Variants in DPP6 observed in about 807,000 individuals in gnomAD.
DPP6 encodes A-type potassium channel modulatory protein DPP6.
A neutral mutation model predicts 122.6 loss-of-function variants in DPP6; 69 were observed. The ratio of observed to expected loss-of-function variants is 0.56; its 90% confidence interval spans 0.46 to 0.69. The LOEUF is 0.69. Ranked by LOEUF, DPP6 falls within the 30% of genes least tolerant of loss-of-function variation. The pLI is 0.00. For missense variants in DPP6, 928 were observed against 1,116.9 expected (o/e 0.83, Z 2.41); for synonymous variants, 418 against 433.1 (o/e 0.97, Z 0.43).
chr7:154,488,284 C>G (rs996084779), intron 3 of DPP6, among the ~76,000 whole-genome samples: 1 of 151,916 alleles, frequency 6.6e-6, no homozygotes, highest in Non-Finnish European at 1.5e-5. Flanking sequence ...GTCAGGAGAT[C>G]GAGACCATCC....
chr7:154,054,268 G>C (rs1343630498), intron 1 of DPP6, among the ~76,000 whole-genome samples: 1 of 152,186 alleles, frequency 6.6e-6, no homozygotes, highest in African/African-American at 2.4e-5. Flanking sequence ...CAGCCACGCT[G>C]GTTCCCTGTT....
At chr7:154,608,671 T>C (rs1195922539) in intron 5 of DPP6, among the ~76,000 whole-genome samples, 1 of 152,008 alleles carries the variant, frequency 6.6e-6, no homozygotes. Context: ...TCCTTTCCAG[T>C]CATCCCTGTA....
chr7:153,808,335 A>C, the DPP6 span, among the ~76,000 whole-genome samples: 3 of 142,436 alleles, frequency 2.1e-5, no homozygotes. Context: ...CTGTGTGCAT[A>C]TGTGTTTGCA....
intron 1 of DPP6, among the ~76,000 whole-genome samples, chr7:154,280,991 A>ATTTT (rs2150950065): frequency 1.8e-5 from 1 of 55,130 alleles, no homozygotes; most frequent in South Asian, 9.4e-4. Context: ...TATTTTATTT[A>ATTTT]TTTATTTATT....
intron 1 of DPP6, among the ~76,000 whole-genome samples, chr7:154,120,102 C>G (rs968689721): frequency 2.2e-4 from 34 of 152,218 alleles, no homozygotes; most frequent in African/African-American, 8.0e-4. Flanking sequence ...AGTTTGAACT[C>G]TGACTGACAC....
At chr7:154,188,721 C>T (rs1405984386) in intron 1 of DPP6, among the ~76,000 whole-genome samples, 2 of 152,226 alleles carry the variant, frequency 1.3e-5, no homozygotes, top group African/African-American at 4.8e-5. Flanking sequence ...TGTACACACA[C>T]AGACTCTGGT....
intron 1 of DPP6, among the ~76,000 whole-genome samples, chr7:153,974,047 A>G (rs1238760843): frequency 6.6e-6 from 1 of 152,038 alleles, no homozygotes; most frequent in Non-Finnish European, 1.5e-5. Flanking sequence ...TTACCTATGC[A>G]GGTCCAATCA....
chr7:154,659,325 AGTT>A (rs1461791537), intron 6 of DPP6, among the ~76,000 whole-genome samples: 1 of 152,350 alleles, frequency 6.6e-6, no homozygotes, highest in East Asian at 1.9e-4. Flanking sequence ...ACATATAGAT[AGTT>A]GTTGTAATAA....
At chr7:153,958,148 A>T (rs1250089327) in intron 1 of DPP6, among the ~76,000 whole-genome samples, 1 of 152,148 alleles carries the variant, frequency 6.6e-6, no homozygotes, top group Non-Finnish European at 1.5e-5. Flanking sequence ...TGGGCGACGG[A>T]GTGAGACTCC....
chr7:154,213,941 A>G (rs1421872498), intron 1 of DPP6, among the ~76,000 whole-genome samples: 1 of 152,156 alleles, frequency 6.6e-6, no homozygotes, highest in African/African-American at 2.4e-5. Context: ...CTCCCTGCTC[A>G]CCAGTAACAT....
intron 7 of DPP6, among the ~76,000 whole-genome samples, chr7:154,694,637 A>T (rs942116322): frequency 5.3e-5 from 8 of 151,988 alleles, no homozygotes; most frequent in Admixed American, 1.3e-4. Context: ...AAGGCATAGG[A>T]ATCTGGTATG....
chr7:153,925,600 G>T (rs1800859858), intron 1 of DPP6, among the ~76,000 whole-genome samples: 1 of 151,884 alleles, frequency 6.6e-6, no homozygotes, highest in Admixed American at 6.5e-5. Context: ...CTGATAATGG[G>T]AGATCATCCT....
chr7:153,822,142 G>T, the DPP6 span, among the ~76,000 whole-genome samples: 1 of 145,680 alleles, frequency 6.9e-6, no homozygotes, highest in East Asian at 2.1e-4. Context: ...ATTTCTGTAG[G>T]TGAGCTGCTC....
chr7:153,829,579 C>A, the DPP6 span, among the ~76,000 whole-genome samples: 1 of 152,160 alleles, frequency 6.6e-6, no homozygotes, highest in African/African-American at 2.4e-5. Context: ...TGTCCTCATT[C>A]ATTCTACTGT....
chr7:154,860,646 A>G (rs1440564430), intron 17 of DPP6, among the ~76,000 whole-genome samples: 1 of 152,226 alleles, frequency 6.6e-6, no homozygotes, highest in Non-Finnish European at 1.5e-5. Context: ...AGAATCCTAC[A>G]GCCTGTGGCC....
At chr7:153,984,425 A>G (rs1796743631) in intron 1 of DPP6, among the ~76,000 whole-genome samples, 1 of 152,242 alleles carries the variant, frequency 6.6e-6, no homozygotes, top group Admixed American at 6.5e-5. Flanking sequence ...TGAAGGCATC[A>G]GGGGGCACGA....
At chr7:154,113,412 T>TATATATACACACAC (rs1472172445) in intron 1 of DPP6, among the ~76,000 whole-genome samples, 5 of 141,892 alleles carry the variant, frequency 3.5e-5, no homozygotes, top group African/African-American at 1.3e-4. Flanking sequence ...TATATATATA[T>TATATATACACACAC]ACACACACAC....
intron 8 of DPP6, among the ~76,000 whole-genome samples, chr7:154,743,076 G>A (rs767925410): frequency 6.6e-6 from 1 of 152,192 alleles, no homozygotes; most frequent in African/African-American, 2.4e-5. Flanking sequence ...TGATTTTGGT[G>A]GGAATTTGCA....
At chr7:154,879,013 C>G (rs1245427880) in intron 20 of DPP6, among the ~76,000 whole-genome samples, 2 of 152,218 alleles carry the variant, frequency 1.3e-5, no homozygotes, top group Non-Finnish European at 2.9e-5. Context: ...CTGCCTCTGC[C>G]CCTGTTTGCC....
Sources: gnomAD v4.1 joint callset for allele counts (sites outside exome capture counted in the v4.1 genomes callset) on GRCh38, gnomAD v4.1.1 for gene constraint, MANE v1.5 for transcripts, NCBI Gene and HGNC (gene_info 2026-07-23, HGNC 2026-07-21) for gene names.